The following FOXP2 variants were observed in gnomAD, a reference collection of about 807,000 sequenced individuals.
FOXP2 encodes the protein forkhead box protein P2.
In FOXP2, 12 loss-of-function variants were observed where a neutral mutation model predicts 115.8. That is an observed-to-expected ratio of 0.10 (90% confidence interval 0.07 to 0.17). The LOEUF is 0.17. Among genes scored for constraint, FOXP2 ranks in the 10% least tolerant of loss-of-function variants. FOXP2 has a pLI of 1.00. For missense variants in FOXP2, 629 were observed against 843.5 expected (o/e 0.75, Z 3.15); for synonymous variants, 328 against 297.7 (o/e 1.10, Z -1.05).
chr7:114,087,546 C>T (rs1799445059), upstream of FOXP2, among the ~76,000 whole-genome samples: 1 of 151,470 alleles, frequency 6.6e-6, no homozygotes, highest in Admixed American at 6.6e-5. Context: ...CCTGGAAGTC[C>T]ACAGTGGCCC....
upstream of FOXP2, among the ~76,000 whole-genome samples, chr7:114,161,900 A>T (rs763961741): frequency 6.6e-6 from 1 of 152,056 alleles, no homozygotes; most frequent in Non-Finnish European, 1.5e-5. Flanking sequence ...CTTGTGCCTC[A>T]GCCTCCTGAG....
chr7:114,481,663 G>A (rs1796541995), intron 2 of FOXP2, among the ~76,000 whole-genome samples: 1 of 151,172 alleles, frequency 6.6e-6, no homozygotes, highest in South Asian at 2.1e-4. Flanking sequence ...ATTGAAGGTA[G>A]GATCAAGTCA....
At chr7:114,655,242 C>T (rs1806517289) in intron 10 of FOXP2, among the ~76,000 whole-genome samples, 1 of 152,088 alleles carries the variant, frequency 6.6e-6, no homozygotes, top group Non-Finnish European at 1.5e-5. Flanking sequence ...GAATAATTGT[C>T]TCATAAATCC....
chr7:114,145,412 A>G (rs1000371865), intron 1 of FOXP2, among the ~76,000 whole-genome samples: 1 of 131,968 alleles, frequency 7.6e-6, no homozygotes, highest in Non-Finnish European at 1.7e-5. Context: ...CAGTTATTTT[A>G]AAATAGTAGC....
At chr7:114,531,618 T>G (rs1799146209) in intron 2 of FOXP2, among the ~76,000 whole-genome samples, 2 of 151,930 alleles carry the variant, frequency 1.3e-5, no homozygotes, top group Non-Finnish European at 2.9e-5. Context: ...ACCTCTTATG[T>G]TTACTATAGC....
At chr7:114,318,710 C>CATATATATAT (rs144291161) in intron 2 of FOXP2, among the ~76,000 whole-genome samples, 24 of 147,370 alleles carry the variant, frequency 1.6e-4, no homozygotes, top group African/African-American at 2.2e-4. Context: ...TTAGATAATT[C>CATATATATAT]ATATATATAT....
intron 2 of FOXP2, among the ~76,000 whole-genome samples, chr7:114,405,412 C>G (rs1342353431): frequency 6.6e-6 from 1 of 151,818 alleles, no homozygotes; most frequent in Non-Finnish European, 1.5e-5. Flanking sequence ...TTACACACTT[C>G]CCATTTGACG....
chr7:114,096,063 C>T (rs1365072317), intron 1 of FOXP2, among the ~76,000 whole-genome samples: 3 of 152,220 alleles, frequency 2.0e-5, no homozygotes, highest in Admixed American at 6.5e-5. Flanking sequence ...CCCTACTTTG[C>T]TTTCCCAGTC....
intron 1 of FOXP2, among the ~76,000 whole-genome samples, chr7:114,118,400 G>T (rs1330140223): frequency 3.3e-5 from 5 of 151,280 alleles, no homozygotes; most frequent in Non-Finnish European, 7.4e-5. Context: ...GCTAAGAATA[G>T]ACAGGTATAG....
At chr7:114,137,916 A>C (rs1305822187) in intron 1 of FOXP2, among the ~76,000 whole-genome samples, 3 of 152,130 alleles carry the variant, frequency 2.0e-5, no homozygotes, top group Non-Finnish European at 1.5e-5. Context: ...TAGTGGCCAT[A>C]TCTTGGTTTC....
chr7:114,443,849 T>A (rs530918483), intron 2 of FOXP2, among the ~76,000 whole-genome samples: 23 of 152,318 alleles, frequency 1.5e-4, no homozygotes, highest in African/African-American at 5.3e-4. Flanking sequence ...TGATTCCATG[T>A]CTTTGCTATT....
intron 1 of FOXP2, among the ~76,000 whole-genome samples, chr7:114,151,915 C>G (rs1307174748): frequency 6.6e-6 from 1 of 151,906 alleles, no homozygotes; most frequent in Non-Finnish European, 1.5e-5. Flanking sequence ...AGCCTCTTAT[C>G]TAAAAGAAAA....
chr7:114,386,382 G>GA (rs1369398986), intron 2 of FOXP2, among the ~76,000 whole-genome samples: 2 of 152,124 alleles, frequency 1.3e-5, no homozygotes, highest in African/African-American at 4.8e-5. Context: ...ACTTGATCTA[G>GA]AAAAACAAAA....
chr7:114,663,486 A>G lies in FOXP2; in HGVS notation c.1806A>G (p.Leu602=), dbSNP rs1806994150. ...TAGTAAAAAATATACCTACCAGTTT[A>G]GGCTATGGAGCAGCTCTTAATGCCA... ...PTLVKNIPTS[L]GYGAALNASL... Residue 602 remains leucine (L), a synonymous_variant, in exon 15 of 17, where the codon TTA becomes TTG. Coordinates refer to ENST00000350908, the MANE Select transcript of FOXP2 (RefSeq NM_014491.4). 1.9e-6 allele frequency: 3 copies of G among 1,610,686 alleles called. No individual in the cohort carries two copies. The highest frequency in any genetic ancestry group is 1.7e-6 in the Non-Finnish European group (2 of 1,178,480).
intron 1 of FOXP2, among the ~76,000 whole-genome samples, chr7:114,257,647 G>T (rs1795655708): frequency 6.6e-6 from 1 of 151,848 alleles, no homozygotes; most frequent in Non-Finnish European, 1.5e-5. Context: ...TAGAGACAGG[G>T]TTTCACTGTG....
intron 1 of FOXP2, among the ~76,000 whole-genome samples, chr7:114,258,706 T>C (rs1795677808): frequency 6.6e-6 from 1 of 152,246 alleles, no homozygotes; most frequent in South Asian, 2.1e-4. Context: ...TATATAAATT[T>C]ATTTTGACAT....
intron 2 of FOXP2, chr7:114,463,076 T>C: frequency 2.3e-6 from 1 of 431,996 alleles, no homozygotes. Context: ...TTTCCCAGGC[T>C]GGAGTGCAGT....
At chr7:114,361,708 C>T (rs1412947502) in intron 2 of FOXP2, among the ~76,000 whole-genome samples, 1 of 151,956 alleles carries the variant, frequency 6.6e-6, no homozygotes, top group African/African-American at 2.4e-5. Flanking sequence ...TCACTTTTTG[C>T]ATTGTCATTA....
intron 2 of FOXP2, among the ~76,000 whole-genome samples, chr7:114,377,634 T>C (rs1260007983): frequency 1.3e-5 from 2 of 152,202 alleles, no homozygotes; most frequent in Non-Finnish European, 2.9e-5. Flanking sequence ...TGGAGACTCC[T>C]AGAGCTCCAG....
Sources: allele counts gnomAD v4.1 joint callset (sites outside exome capture counted in the v4.1 genomes callset), GRCh38; gene constraint gnomAD v4.1.1; transcripts MANE v1.5; gene names NCBI Gene and HGNC (gene_info 2026-07-23, HGNC 2026-07-21).